CAB39L: variants seen among roughly 807,000 people sequenced by gnomAD.
CAB39L encodes calcium binding protein 39 like.
A neutral mutation model predicts 39.1 loss-of-function variants in CAB39L; 23 were observed. The observed-to-expected ratio is 0.59, with a 90% CI of 0.42 to 0.83. CAB39L has a LOEUF of 0.83. Ranked by LOEUF, CAB39L falls within the 40% of genes least tolerant of loss-of-function variation. The pLI is 0.00. For synonymous variants in CAB39L, 126 were observed against 137.2 expected (o/e 0.92, Z 0.57); for missense variants, 366 against 391.9 (o/e 0.93, Z 0.56).
Position 49,311,013 on chromosome 13 carries a change from AT to A in CAB39L, c.835-21del, listed in dbSNP as rs763462434. 2 of 1,610,312 alleles carry A rather than the reference AT, an allele frequency of 1.2e-6. No homozygotes were observed. The highest frequency in any genetic ancestry group is 3.4e-5 in the Admixed American group (2 of 59,670). ...AAACACCTGAAACAAAAAGAAACAAATACTTAGGAGTGCAAGCCAGGGACCT... is the reference window on the plus strand; with the variant it reads ...AAACACCTGAAACAAAAAGAAACAAAACTTAGGAGTGCAAGCCAGGGACCT... On this transcript the variant is annotated intron_variant, in intron 10 of 10. Transcript: ENST00000409308.
intron 9 of CAB39L, among the ~76,000 whole-genome samples, chr13:49,335,798 TTC>T (rs1954830122): frequency 6.6e-6 from 1 of 152,172 alleles, no homozygotes; most frequent in Admixed American, 6.5e-5. Flanking sequence ...GGAAAGGAAT[TTC>T]TCTGTTAATT....
chr13:49,320,684 T>C (rs1757684424), intron 10 of CAB39L, among the ~76,000 whole-genome samples: 2 of 152,172 alleles, frequency 1.3e-5, no homozygotes, highest in Non-Finnish European at 2.9e-5. Flanking sequence ...TATGCTCCTG[T>C]TACGGTTATG....
intron 3 of CAB39L, among the ~76,000 whole-genome samples, chr13:49,418,455 G>T (rs372624835): frequency 6.6e-6 from 1 of 152,226 alleles, no homozygotes; most frequent in Non-Finnish European, 1.5e-5. Flanking sequence ...AAATAATTGT[G>T]AGGATAGTTA....
chr13:49,332,146 T>A, intron 9 of CAB39L, 56 bp from the exon 10 acceptor site: 4 of 1,584,302 alleles, frequency 2.5e-6, no homozygotes, highest in Non-Finnish European at 3.4e-6. Flanking sequence ...ATTCAAAATA[T>A]AGCTCACGTC....
At chr13:49,390,087 A>G (rs1023472416) in intron 3 of CAB39L, among the ~76,000 whole-genome samples, 1 of 152,008 alleles carries the variant, frequency 6.6e-6, no homozygotes, top group East Asian at 1.9e-4. Context: ...TGGTCTCTGT[A>G]TGTTGCCCAG....
In CAB39L at chr13:49,377,053, C is replaced by T. The variant is rs1956087698; in HGVS notation, c.190G>A (p.Glu64Lys). The change falls in exon 5 of 11, where the codon GAA (glutamate) becomes AAA (lysine). Residue 64 changes from glutamate to lysine, a missense_variant. Coordinates refer to ENST00000409308, the MANE Select transcript of CAB39L (RefSeq NM_001079670.3). ...CGTNEKEPPT[E>K]AVAQLAQELY... The stretch of plus-strand genomic sequence containing the variant: ...TCTTGTGCTAGCTGAGCCACTGCTT[C>T]TGTTGGGGGTTCTTTCTCGTTTGTA... The T allele has an allele frequency of 1.2e-6, 2 of 1,613,744 alleles. No individual in the cohort carries two copies. The highest frequency in any genetic ancestry group is 2.7e-5 in the African/African-American group (2 of 74,930).
At chr13:49,312,963 T>C (rs1265901994) in intron 10 of CAB39L, among the ~76,000 whole-genome samples, 2 of 152,216 alleles carry the variant, frequency 1.3e-5, no homozygotes, top group Admixed American at 1.3e-4. Flanking sequence ...CCACCATCTC[T>C]GGGCACATTT....
chr13:49,384,824 G>A (rs1487395496), intron 3 of CAB39L, among the ~76,000 whole-genome samples: 1 of 152,198 alleles, frequency 6.6e-6, no homozygotes, highest in East Asian at 1.9e-4. Flanking sequence ...ATTCTGAGCA[G>A]TGGGTCTCAA....
chr13:49,363,377 T>A (rs1241378097), intron 5 of CAB39L, among the ~76,000 whole-genome samples: 1 of 152,192 alleles, frequency 6.6e-6, no homozygotes, highest in African/African-American at 2.4e-5. Context: ...GAGTTCTTAT[T>A]AGTTTTCTTT....
chr13:49,436,384 C>CTCTA (rs1221596484), intron 1 of CAB39L, among the ~76,000 whole-genome samples: 2 of 152,002 alleles, frequency 1.3e-5, no homozygotes, highest in Non-Finnish European at 2.9e-5. Context: ...TTCTTAGGAA[C>CTCTA]TCTACTTTTA....
At chr13:49,388,917 A>G (rs1956428645) in intron 3 of CAB39L, among the ~76,000 whole-genome samples, 1 of 152,236 alleles carries the variant, frequency 6.6e-6, no homozygotes, top group African/African-American at 2.4e-5. Flanking sequence ...TTCTGGTGAT[A>G]GATGTGTCTG....
intron 1 of CAB39L, among the ~76,000 whole-genome samples, chr13:49,435,649 C>T (rs549201485): frequency 6.6e-6 from 1 of 152,230 alleles, no homozygotes; most frequent in South Asian, 2.1e-4. Context: ...TATAGGTGCT[C>T]ACCATTACAC....
At chr13:49,346,889 T>G (rs2407610) in intron 7 of CAB39L, among the ~76,000 whole-genome samples, 1 of 151,900 alleles carries the variant, frequency 6.6e-6, no homozygotes, top group African/African-American at 2.4e-5. Flanking sequence ...TATGGTTGTA[T>G]GGAATCCTTT....
chr13:49,404,444 G>GAA (rs76373709), intron 3 of CAB39L, among the ~76,000 whole-genome samples: 1 of 136,280 alleles, frequency 7.3e-6, no homozygotes, highest in African/African-American at 2.7e-5. Flanking sequence ...GAGAGGTCTG[G>GAA]AAAAAAAAAA....
At chr13:49,361,542 A>G (rs12873250) in intron 5 of CAB39L, among the ~76,000 whole-genome samples, 1 of 128,396 alleles carries the variant, frequency 7.8e-6, no homozygotes, top group Non-Finnish European at 1.7e-5. Context: ...GACAGAAAAA[A>G]AGAGAGAGAA....
chr13:49,336,866 T>C (rs1323722607), intron 9 of CAB39L, among the ~76,000 whole-genome samples: 1 of 152,248 alleles, frequency 6.6e-6, no homozygotes, highest in East Asian at 1.9e-4. Flanking sequence ...GCAAGCTTTC[T>C]GGACATGGGA....
chr13:49,315,290 T>G (rs1362391431), intron 10 of CAB39L, among the ~76,000 whole-genome samples: 1 of 152,076 alleles, frequency 6.6e-6, no homozygotes, highest in East Asian at 1.9e-4. Context: ...CATGGCTTAC[T>G]TACAGTGAGC....
intron 9 of CAB39L, 26 bp from the exon 10 acceptor site, chr13:49,332,116 T>C: frequency 6.2e-7 from 1 of 1,607,340 alleles, no homozygotes; most frequent in Non-Finnish European, 8.5e-7. Flanking sequence ...AAACCAAAGC[T>C]GTAATCTCAG....
At chr13:49,378,753 G>A (rs1341470345) in intron 4 of CAB39L, among the ~76,000 whole-genome samples, 8 of 45,172 alleles carry the variant, frequency 1.8e-4, no homozygotes, top group Admixed American at 3.1e-4. Flanking sequence ...GCCCCGTCCG[G>A]GAGGGAGGTG....
Sources: gnomAD v4.1 joint callset for allele counts (sites outside exome capture counted in the v4.1 genomes callset) on GRCh38, gnomAD v4.1.1 for gene constraint, MANE v1.5 for transcripts, NCBI Gene and HGNC (gene_info 2026-07-23, HGNC 2026-07-21) for gene names.